The following SPMIP2 variants were observed in gnomAD, a reference collection of about 807,000 sequenced individuals.
SPMIP2 encodes sperm microtubule inner protein 2.
the SPMIP2 span, among the ~76,000 whole-genome samples, chr4:158,946,734 C>T: frequency 4.6e-5 from 7 of 152,168 alleles, no homozygotes; most frequent in African/African-American, 1.7e-4. Flanking sequence ...GACAGATATG[C>T]ATCTTGCATT....
the SPMIP2 span, among the ~76,000 whole-genome samples, chr4:158,939,972 A>G: frequency 6.6e-6 from 1 of 152,194 alleles, no homozygotes; most frequent in Non-Finnish European, 1.5e-5. Context: ...TTGGCTTTAG[A>G]GGATTGATCT....
the SPMIP2 span, among the ~76,000 whole-genome samples, chr4:159,027,035 G>A: frequency 6.6e-6 from 1 of 151,472 alleles, no homozygotes; most frequent in Non-Finnish European, 1.5e-5. Flanking sequence ...ACACTGTGTT[G>A]AGTTAGGTGA....
the SPMIP2 span, among the ~76,000 whole-genome samples, chr4:158,962,037 A>G: frequency 2.0e-5 from 3 of 152,180 alleles, no homozygotes; most frequent in Non-Finnish European, 4.4e-5. Flanking sequence ...AAAAATAATT[A>G]CAACTCCAAT....
the SPMIP2 span, among the ~76,000 whole-genome samples, chr4:159,019,611 G>A: frequency 6.6e-6 from 1 of 152,140 alleles, no homozygotes; most frequent in South Asian, 2.1e-4. Flanking sequence ...CAGCAAGTAA[G>A]GGTTAGAATT....
chr4:158,969,823 G>T, the SPMIP2 span, among the ~76,000 whole-genome samples: 1 of 152,222 alleles, frequency 6.6e-6, no homozygotes, highest in African/African-American at 2.4e-5. Context: ...TCCAGGAGAT[G>T]AAAGTTTTGC....
At chr4:159,001,599 TG>T in the SPMIP2 span, among the ~76,000 whole-genome samples, 1 of 152,348 alleles carries the variant, frequency 6.6e-6, no homozygotes, top group South Asian at 2.1e-4. Context: ...ATGCAGTATT[TG>T]GTTTTCTATT....
At chr4:158,948,892 C>T in the SPMIP2 span, among the ~76,000 whole-genome samples, 1 of 152,102 alleles carries the variant, frequency 6.6e-6, no homozygotes, top group Non-Finnish European at 1.5e-5. Flanking sequence ...GCAAGAGCCA[C>T]CGTGCCCCAC....
At chr4:159,053,259 T>C in the SPMIP2 span, among the ~76,000 whole-genome samples, 1 of 152,128 alleles carries the variant, frequency 6.6e-6, no homozygotes, top group African/African-American at 2.4e-5. Flanking sequence ...CCCGGCCGAC[T>C]ATTATTTTTT....
chr4:159,062,020 C>G, the SPMIP2 span, among the ~76,000 whole-genome samples: 11 of 152,106 alleles, frequency 7.2e-5, no homozygotes, highest in African/African-American at 2.7e-4. Context: ...AACAGTACAG[C>G]CTTGTTTGCA....
At chr4:158,936,428 G>GA in the SPMIP2 span, among the ~76,000 whole-genome samples, 1 of 152,206 alleles carries the variant, frequency 6.6e-6, no homozygotes, top group Non-Finnish European at 1.5e-5. Flanking sequence ...TTGTGAAGAG[G>GA]ACCGGTGCCA....
At chr4:158,911,033 C>T in the SPMIP2 span, among the ~76,000 whole-genome samples, 22 of 152,280 alleles carry the variant, frequency 1.4e-4, no homozygotes, top group Non-Finnish European at 5.9e-5. Context: ...AGGAAGTAGG[C>T]TTTCAAGCAA....
At chr4:158,926,356 C>T in the SPMIP2 span, among the ~76,000 whole-genome samples, 1 of 151,900 alleles carries the variant, frequency 6.6e-6, no homozygotes, top group Non-Finnish European at 1.5e-5. Flanking sequence ...ATTACCTTCG[C>T]TGCATCCCTA....
At chr4:158,970,587 A>G in the SPMIP2 span, among the ~76,000 whole-genome samples, 2 of 152,106 alleles carry the variant, frequency 1.3e-5, no homozygotes, top group African/African-American at 4.8e-5. Flanking sequence ...TTAGATGGAA[A>G]GAGAGAGCAG....
the SPMIP2 span, among the ~76,000 whole-genome samples, chr4:158,899,765 T>C: frequency 1.3e-5 from 2 of 151,894 alleles, no homozygotes; most frequent in East Asian, 3.9e-4. Context: ...GTCTGGCTAG[T>C]GGTCTATTTT....
chr4:158,963,421 C>G, the SPMIP2 span, among the ~76,000 whole-genome samples: 2 of 152,208 alleles, frequency 1.3e-5, no homozygotes, highest in Admixed American at 6.5e-5. Context: ...CCCACCTCAG[C>G]CTTCTCAGTA....
chr4:159,050,798 A>T, the SPMIP2 span, among the ~76,000 whole-genome samples: 1 of 61,536 alleles, frequency 1.6e-5, no homozygotes, highest in Non-Finnish European at 3.2e-5. Context: ...CTCATCCGTT[A>T]AAAAAAAAAA....
At chr4:159,032,232 T>C in the SPMIP2 span, among the ~76,000 whole-genome samples, 1 of 151,912 alleles carries the variant, frequency 6.6e-6, no homozygotes, top group Non-Finnish European at 1.5e-5. Context: ...AAAAAAAAAT[T>C]GTTGGGCTTT....
chr4:159,045,796 G>C, the SPMIP2 span, among the ~76,000 whole-genome samples: 1 of 152,182 alleles, frequency 6.6e-6, no homozygotes, highest in African/African-American at 2.4e-5. Flanking sequence ...AAGATCTCTC[G>C]TAAGATTGCA....
the SPMIP2 span, among the ~76,000 whole-genome samples, chr4:158,963,109 A>G: frequency 1.3e-5 from 2 of 152,128 alleles, no homozygotes; most frequent in African/African-American, 4.8e-5. Flanking sequence ...ATAGTCTCTC[A>G]TGTTTCTAGT....
Sources: allele counts gnomAD v4.1 joint callset (sites outside exome capture counted in the v4.1 genomes callset), GRCh38; gene constraint gnomAD v4.1.1; transcripts MANE v1.5; gene names NCBI Gene and HGNC (gene_info 2026-07-23, HGNC 2026-07-21).